The following CSMD1 variants were observed in gnomAD, a reference collection of about 807,000 sequenced individuals.
CSMD1 encodes the protein CUB and Sushi multiple domains 1, also known as CUB and sushi domain-containing protein 1.
In CSMD1, 213 loss-of-function variants were observed where a neutral mutation model predicts 417.5. The ratio of observed to expected loss-of-function variants is 0.51; its 90% CI spans 0.46 to 0.57. The LOEUF (loss-of-function observed/expected upper bound fraction) is 0.57, where lower values mean the gene tolerates loss of function less well. CSMD1 is among the 20% of genes least tolerant of loss of function. CSMD1 has a pLI of 0.00. For missense variants in CSMD1, 6,923 were observed against 4,529.7 expected, an observed-to-expected ratio of 1.53 and a Z score of -15.17; for synonymous variants, 2,862 against 1,736.8, an observed-to-expected ratio of 1.65 and a Z score of -16.11.
intron 23 of CSMD1, among the ~76,000 whole-genome samples, chr8:3,322,573 G>C (rs1477298711): frequency 6.6e-6 from 1 of 152,150 alleles, no homozygotes; most frequent in Non-Finnish European, 1.5e-5. Context: ...TGTTCCCTCA[G>C]TTGGTTTCAT....
chr8:2,997,036 G>A (rs573280747), intron 54 of CSMD1, among the ~76,000 whole-genome samples: 3 of 152,200 alleles, frequency 2.0e-5, no homozygotes, highest in African/African-American at 7.2e-5. Flanking sequence ...TCAGGGGCTG[G>A]GGCTCGGCGG....
At chr8:3,399,703 T>A (rs1390059372) in intron 15 of CSMD1, among the ~76,000 whole-genome samples, 174 bp from the exon 16 acceptor site, 1 of 152,234 alleles carries the variant, frequency 6.6e-6, no homozygotes, top group Non-Finnish European at 1.5e-5. Context: ...AGGGTCTATA[T>A]ATGCTACCTC....
chr8:3,088,674 C>T (rs1870616), intron 48 of CSMD1, among the ~76,000 whole-genome samples: 93,132 of 151,416 alleles, frequency 0.62, 28,723 homozygotes, highest in East Asian at 0.66. Flanking sequence ...AAATCCACTA[C>T]CATAAGAATC....
intron 20 of CSMD1, among the ~76,000 whole-genome samples, chr8:3,361,669 A>AAC (rs1554525391): frequency 4.7e-5 from 7 of 150,010 alleles, no homozygotes; most frequent in East Asian, 3.9e-4. Flanking sequence ...AAAAAAAAAA[A>AAC]AAACAAACAA....
intron 5 of CSMD1, among the ~76,000 whole-genome samples, chr8:3,840,568 C>G (rs4266669): frequency 0.089 from 13,542 of 151,906 alleles, 1,054 homozygotes; most frequent in African/African-American, 0.21. Context: ...AGCATGCCTC[C>G]TTATTTCAAG....
In CSMD1 at chr8:3,804,071, C is replaced by T. The variant is rs147130025; in HGVS notation, c.819-50029G>A. 2.5e-3 allele frequency among the ~76,000 whole-genome samples: 380 copies of T among 152,092 alleles called. 5 individuals carry two copies. The highest frequency in any genetic ancestry group is 8.4e-3 in the African/African-American group (350 of 41,490). On this transcript the variant is annotated intron_variant, in intron 5 of 69. Coordinates refer to ENST00000635120, the MANE Select transcript of CSMD1 (RefSeq NM_033225.6). ...GCCTCTGAGTAGCTGCGATTACAGA[C>T]GTGCACCACCACATCCAGCTATTTT... is the stretch of plus-strand genomic sequence containing the variant.
chr8:4,954,285 C>T (rs750531214), intron 1 of CSMD1, among the ~76,000 whole-genome samples: 2 of 152,100 alleles, frequency 1.3e-5, no homozygotes, highest in Admixed American at 1.3e-4. Context: ...AGTGTTACAA[C>T]AGAGGTGCAA....
At chr8:3,313,242 T>C (rs999579760) in intron 23 of CSMD1, among the ~76,000 whole-genome samples, 2 of 152,104 alleles carry the variant, frequency 1.3e-5, no homozygotes, top group Admixed American at 6.5e-5. Context: ...CCAAAAGCAA[T>C]GGCAACAAAA....
At chr8:3,754,912 A>G (rs1373938302) in intron 5 of CSMD1, among the ~76,000 whole-genome samples, 1 of 152,248 alleles carries the variant, frequency 6.6e-6, no homozygotes, top group African/African-American at 2.4e-5. Flanking sequence ...GATTGATGAC[A>G]AGAACTGCAA....
chr8:3,009,767 GC>G lies in CSMD1; in HGVS notation c.8029+8709del, dbSNP rs549609614. Reference sequence around the variant, plus strand: ...AATTTGTCCAACATGGAGGTATTGGGCTTGCAGAGCATACAACACTCTGTGC... The same window carrying G: ...AATTTGTCCAACATGGAGGTATTGGGTTGCAGAGCATACAACACTCTGTGC... On this transcript the variant is annotated intron_variant, in intron 52 of 69. Coordinates refer to ENST00000635120, the MANE Select transcript of CSMD1 (RefSeq NM_033225.6). Among the ~76,000 whole-genome samples, 241 of 152,258 alleles carry G rather than the reference GC, an allele frequency of 1.6e-3. 1 individual carries two copies. Among genetic ancestry groups the G allele is most frequent in the African/African-American group, 5.7e-3 (235 of 41,558 alleles).
chr8:3,316,895 A>G (rs1322416455), intron 23 of CSMD1, among the ~76,000 whole-genome samples: 1 of 152,154 alleles, frequency 6.6e-6, no homozygotes, highest in Non-Finnish European at 1.5e-5. Context: ...GACATGGGTG[A>G]GAAGAAAGAA....
At chr8:3,133,967 C>G (rs996313785) in intron 41 of CSMD1, among the ~76,000 whole-genome samples, 5 of 152,112 alleles carry the variant, frequency 3.3e-5, no homozygotes, top group Non-Finnish European at 1.5e-5. Flanking sequence ...ATCATGAGGT[C>G]AGGAGATGGA....
chr8:3,497,026 A>T (rs970510811), intron 10 of CSMD1, among the ~76,000 whole-genome samples: 3 of 152,186 alleles, frequency 2.0e-5, no homozygotes, highest in Non-Finnish European at 2.9e-5. Context: ...TTAGATTTTT[A>T]AAAAATTTGT....
At chr8:4,497,557 G>GA (rs569245876) in intron 2 of CSMD1, among the ~76,000 whole-genome samples, 1 of 152,298 alleles carries the variant, frequency 6.6e-6, no homozygotes, top group South Asian at 2.1e-4. Context: ...GAGCAGGGAG[G>GA]AAAGACGGAT....
chr8:4,289,095 C>G (rs1797217755), intron 3 of CSMD1, among the ~76,000 whole-genome samples: 1 of 152,212 alleles, frequency 6.6e-6, no homozygotes, highest in African/African-American at 2.4e-5. Flanking sequence ...TTTGGTGTAA[C>G]AGCAAAAGAA....
chr8:4,879,105 A>G (rs1446214144), intron 1 of CSMD1, among the ~76,000 whole-genome samples: 1 of 152,088 alleles, frequency 6.6e-6, no homozygotes, highest in African/African-American at 2.4e-5. Context: ...ACAAACAAAA[A>G]AAGATATCAT....
At chr8:4,417,247 C>A (rs11993264) in intron 3 of CSMD1, among the ~76,000 whole-genome samples, 3 of 151,804 alleles carry the variant, frequency 2.0e-5, no homozygotes, top group Non-Finnish European at 4.4e-5. Flanking sequence ...TGACTGAACA[C>A]GTTGATTACA....
chr8:4,547,862 A>G (rs1249552831), intron 2 of CSMD1, among the ~76,000 whole-genome samples: 1 of 152,158 alleles, frequency 6.6e-6, no homozygotes, highest in Non-Finnish European at 1.5e-5. Context: ...CGGGGATTGG[A>G]CGGGATATCC....
intron 10 of CSMD1, among the ~76,000 whole-genome samples, chr8:3,512,611 T>C (rs904543260): frequency 1.5e-4 from 23 of 150,738 alleles, no homozygotes; most frequent in Non-Finnish European, 2.2e-4. Context: ...TTTTTTTTTT[T>C]TTTTTTTTAA....
Sources: allele counts gnomAD v4.1 joint callset (sites outside exome capture counted in the v4.1 genomes callset), GRCh38; gene constraint gnomAD v4.1.1; transcripts MANE v1.5; gene names NCBI Gene and HGNC (gene_info 2026-07-23, HGNC 2026-07-21).